Variants in LARP4B observed in about 807,000 individuals in gnomAD.
LARP4B encodes la-related protein 4B.
Under a neutral mutation model 89.8 loss-of-function variants are expected in LARP4B, and 12 were observed. That is an observed-to-expected ratio of 0.13 (90% CI 0.09 to 0.22). The LOEUF is 0.22. LARP4B is among the 10% of genes least tolerant of loss of function. LARP4B has a pLI of 1.00. For synonymous variants in LARP4B, 367 were observed against 363.3 expected, an observed-to-expected ratio of 1.01 and a Z score of -0.12; for missense variants, 757 against 947.7, an observed-to-expected ratio of 0.80 and a Z score of 2.64.
chr10:867,215 T>C (rs1834946143), intron 3 of LARP4B, among the ~76,000 whole-genome samples: 1 of 152,184 alleles, frequency 6.6e-6, no homozygotes, highest in Non-Finnish European at 1.5e-5. Context: ...AGAATGAAGA[T>C]GTCTTTTAAG....
chr10:828,857 T>C (rs1338933357), intron 11 of LARP4B, among the ~76,000 whole-genome samples: 6 of 152,134 alleles, frequency 3.9e-5, no homozygotes, highest in African/African-American at 1.2e-4. Flanking sequence ...CTTTCAAGCA[T>C]CTATAGCAGC....
chr10:960,139 C>A, the LARP4B span, among the ~76,000 whole-genome samples: 2 of 152,150 alleles, frequency 1.3e-5, no homozygotes, highest in Non-Finnish European at 2.9e-5. Context: ...CTGAAAAGGC[C>A]ACATTCTCTA....
the LARP4B span, among the ~76,000 whole-genome samples, chr10:970,984 TG>T: frequency 8.5e-5 from 13 of 152,318 alleles, no homozygotes; most frequent in Non-Finnish European, 1.9e-4. Flanking sequence ...ACATCATCAG[TG>T]TTTGCAAAAT....
rs74115587 is a variant in LARP4B at position 820,435 on chromosome 10, T to C, written c.1530+365A>G. ...CCGTGGAAGATGCTTACTCTGCTCA[T>C]TGAAATGAATGGCTCCAGTCATTTC... On this transcript the variant is annotated intron_variant, in intron 14 of 17. Coordinates refer to ENST00000316157, the MANE Select transcript of LARP4B (RefSeq NM_015155.3). 553 of 205,256 alleles carry C rather than the reference T, an allele frequency of 2.7e-3. 6 individuals carry two copies. Among genetic ancestry groups the C allele is most frequent in the African/African-American group, 0.012 (515 of 43,392 alleles). The allele number at this position is 205,256 out of a possible 1,614,324, so 12.7% of individuals were successfully genotyped here. A position where few individuals can be genotyped will look rare whatever the true frequency, so the allele number is the denominator to read the frequency against.
intron 12 of LARP4B, 101 bp from the exon 13 acceptor site, chr10:825,417 G>A: frequency 8.9e-7 from 1 of 1,120,040 alleles, no homozygotes; most frequent in Non-Finnish European, 1.3e-6. Flanking sequence ...TCTGCTCTCT[G>A]TTTAATAAAG....
Position 845,028 on chromosome 10 carries a change from TG to T in LARP4B, c.457del (p.Gln153ArgfsTer57). 6.2e-7 allele frequency: 1 copy of T among 1,611,362 alleles called. No individual in the cohort carries two copies. The highest frequency in any genetic ancestry group is 1.3e-5 in the African/African-American group (1 of 74,812). On this transcript the variant is annotated frameshift_variant, in exon 6 of 18. Coordinates refer to ENST00000316157, the MANE Select transcript of LARP4B (RefSeq NM_015155.3). LOFTEE classifies it high-confidence loss of function. ...TGGNESQPDS[Q>X]EDPREVLKKT... ...TTTAAGTACTTCTCGGGGGTCTTCC[TG>T]GCTGTCTGGTTGAGACTCATTTCCT... is the stretch of plus-strand genomic sequence containing the variant.
At chr10:974,485 C>T in the LARP4B span, among the ~76,000 whole-genome samples, 6 of 152,278 alleles carry the variant, frequency 3.9e-5, no homozygotes, top group East Asian at 5.8e-4. Context: ...TTCATTGTTC[C>T]GGGCCTCGGT....
the LARP4B span, among the ~76,000 whole-genome samples, chr10:973,636 C>A: frequency 2.6e-5 from 4 of 152,148 alleles, no homozygotes; most frequent in African/African-American, 9.7e-5. Flanking sequence ...CAGGTGTGAG[C>A]CACTGCGCCT....
At chr10:849,965 C>A (rs987378288) in intron 5 of LARP4B, among the ~76,000 whole-genome samples, 3 of 152,088 alleles carry the variant, frequency 2.0e-5, no homozygotes, top group Admixed American at 6.5e-5. Flanking sequence ...CCTAAGGAGA[C>A]GTAACAATGA....
chr10:916,718 G>A (rs1039435852), intron 1 of LARP4B, among the ~76,000 whole-genome samples: 1 of 152,094 alleles, frequency 6.6e-6, no homozygotes, highest in African/African-American at 2.4e-5. Flanking sequence ...TAAATAAAGA[G>A]ACAAGGTCTT....
At chr10:954,058 C>T in the LARP4B span, among the ~76,000 whole-genome samples, 4 of 152,214 alleles carry the variant, frequency 2.6e-5, no homozygotes, top group African/African-American at 9.7e-5. This position sits in a 1 kb window ranked among gnomAD's most constrained non-coding sequence, Gnocchi z 5.0. Context: ...TGACATTGGC[C>T]GGGAGGGCTG....
rs1483186828 is a variant in LARP4B at position 827,297 on chromosome 10, C to T, written c.1126-1427G>A. The stretch of plus-strand genomic sequence containing the variant: ...TCTCAAAGAAAAAGAAAATACATCA[C>T]ACTTGAAGAGCCATGAATGCAGACC... On this transcript the variant is annotated intron_variant, in intron 11 of 17. Coordinates refer to ENST00000316157, the MANE Select transcript of LARP4B (RefSeq NM_015155.3). Among the ~76,000 whole-genome samples the T allele has an allele frequency of 8.6e-5, 11 of 127,530 alleles. No homozygotes were observed. In the Admixed American group the frequency reaches 8.7e-4, roughly 10 times the overall value. 83.7% of individuals were successfully genotyped at this position (127,530 alleles called of 152,430 possible).
At chr10:902,471 A>G (rs904588837) in intron 1 of LARP4B, among the ~76,000 whole-genome samples, 1 of 152,186 alleles carries the variant, frequency 6.6e-6, no homozygotes, top group African/African-American at 2.4e-5. Context: ...GTTGACAACT[A>G]CATTAGGAGT....
intron 11 of LARP4B, among the ~76,000 whole-genome samples, chr10:827,743 G>A (rs1260349464): frequency 6.6e-6 from 1 of 152,124 alleles, no homozygotes; most frequent in Non-Finnish European, 1.5e-5. Context: ...AGAACTGAAA[G>A]GACTAGCATG....
intron 11 of LARP4B, among the ~76,000 whole-genome samples, chr10:828,504 G>A (rs1043011191): frequency 4.6e-5 from 7 of 152,118 alleles, no homozygotes; most frequent in Non-Finnish European, 8.8e-5. Context: ...GCCTGTCAGC[G>A]GTGACATCCC....
intron 5 of LARP4B, among the ~76,000 whole-genome samples, chr10:862,133 A>C (rs1455429367): frequency 6.6e-6 from 1 of 152,150 alleles, no homozygotes; most frequent in Non-Finnish European, 1.5e-5. Context: ...AATTCACTTT[A>C]TGCAAATTCA....
At chr10:975,874 T>C in the LARP4B span, among the ~76,000 whole-genome samples, 12 of 149,566 alleles carry the variant, frequency 8.0e-5, no homozygotes, top group African/African-American at 2.7e-4. Context: ...TCACGTAATG[T>C]GTGGACCCAG....
chr10:949,717 G>A, the LARP4B span, among the ~76,000 whole-genome samples: 3 of 152,192 alleles, frequency 2.0e-5, no homozygotes, highest in Non-Finnish European at 2.9e-5. Context: ...TCATTCTCTC[G>A]GACATCTCTT....
At chr10:876,538 T>G (rs1208167396) in intron 3 of LARP4B, among the ~76,000 whole-genome samples, 1 of 152,146 alleles carries the variant, frequency 6.6e-6, no homozygotes. Flanking sequence ...GTCCCAACCC[T>G]CTGGGCACAG....
Sources: gnomAD v4.1 joint callset for allele counts (sites outside exome capture counted in the v4.1 genomes callset) on GRCh38, gnomAD v4.1.1 for gene constraint, Gnocchi (gnomAD v3.1) non-coding constraint, MANE v1.5 for transcripts, NCBI Gene and HGNC (gene_info 2026-07-23, HGNC 2026-07-21) for gene names.